MARCHF1: variants seen among roughly 807,000 people sequenced by gnomAD.
MARCHF1 encodes membrane associated ring-CH-type finger 1.
In MARCHF1, 40 loss-of-function variants were observed where a neutral mutation model predicts 54.2. The observed-to-expected ratio is 0.74, with a 90% CI of 0.57 to 0.96. The LOEUF (loss-of-function observed/expected upper bound fraction) is 0.96. Ranked by LOEUF, MARCHF1 falls within the 40% of genes least tolerant of loss-of-function variation. The probability of loss-of-function intolerance (pLI) is 0.00; values close to 1 mark genes in which losing one functional copy is unlikely to be tolerated. For missense variants in MARCHF1, 586 were observed against 656.5 expected, an observed-to-expected ratio of 0.89 and a Z score of 1.17; for synonymous variants, 236 against 236.3, an observed-to-expected ratio of 1.00 and a Z score of 0.01.
At chr4:163,927,378 T>C (rs1751559646) in intron 3 of MARCHF1, among the ~76,000 whole-genome samples, 1 of 151,752 alleles carries the variant, frequency 6.6e-6, no homozygotes, top group Non-Finnish European at 1.5e-5. Flanking sequence ...GTTACATCCA[T>C]TGAAACTAAA....
intron 1 of MARCHF1, among the ~76,000 whole-genome samples, chr4:164,340,480 A>G (rs1729890137): frequency 7.0e-6 from 1 of 142,014 alleles, no homozygotes; most frequent in African/African-American, 2.5e-5. Context: ...CCCAGGATGG[A>G]ATGCAGCAGT....
At chr4:163,754,475 G>T (rs1364653956) in intron 4 of MARCHF1, among the ~76,000 whole-genome samples, 1 of 152,176 alleles carries the variant, frequency 6.6e-6, no homozygotes, top group Non-Finnish European at 1.5e-5. Context: ...GGATTCTTCA[G>T]ATGGGATCAT....
At chr4:164,030,501 A>G (rs62348138) in intron 2 of MARCHF1, among the ~76,000 whole-genome samples, 69,768 of 152,106 alleles carry the variant, frequency 0.46, 17,591 homozygotes, top group Non-Finnish European at 0.56. Context: ...GTTCATATGA[A>G]CACTTTCTGT....
At chr4:163,751,472 A>T (rs1329427313) in intron 4 of MARCHF1, among the ~76,000 whole-genome samples, 2 of 152,274 alleles carry the variant, frequency 1.3e-5, no homozygotes, top group African/African-American at 4.8e-5. Flanking sequence ...ATGCAAGTTT[A>T]TATAGAAAAA....
chr4:164,089,674 A>AGATCCTCAAGATCCTTG (rs70948696), intron 2 of MARCHF1, among the ~76,000 whole-genome samples: 20,650 of 151,512 alleles, frequency 0.14, 2,264 homozygotes, highest in African/African-American at 0.31. Flanking sequence ...ACAGTGAATG[A>AGATCCTCAAGATCCTTG]GATCCTCAAG....
chr4:164,322,587 A>G (rs1233519325), intron 1 of MARCHF1, among the ~76,000 whole-genome samples: 1 of 151,998 alleles, frequency 6.6e-6, no homozygotes, highest in Non-Finnish European at 1.5e-5. Flanking sequence ...ATTGTTTGTA[A>G]CTCAAAGGAT....
chr4:163,559,386 G>A (rs1739395837), intron 8 of MARCHF1, among the ~76,000 whole-genome samples: 1 of 152,152 alleles, frequency 6.6e-6, no homozygotes, highest in Non-Finnish European at 1.5e-5. Flanking sequence ...AATATAGGGA[G>A]TGGTTGGCGA....
chr4:163,822,733 A>G lies in MARCHF1; in HGVS notation c.111+31288T>C, dbSNP rs184811833. ...TTTATCTTTATGCTAGAAACATTCA[A>G]ACTCTTTTCTTTTAGCTGTTTTGAA... On this transcript the variant is annotated intron_variant, in intron 4 of 9. Transcript: ENST00000514618. Among the ~76,000 whole-genome samples the G allele has an allele frequency of 9.5e-3, 1,447 of 151,974 alleles. 24 individuals carry two copies. Among genetic ancestry groups the G allele is most frequent in the South Asian group, 0.034 (163 of 4,824 alleles).
chr4:163,979,363 A>G (rs1292692609), intron 3 of MARCHF1, among the ~76,000 whole-genome samples: 1 of 149,230 alleles, frequency 6.7e-6, no homozygotes, highest in African/African-American at 2.5e-5. Flanking sequence ...TCATTTTTTT[A>G]TGGCTGCATA....
intron 2 of MARCHF1, among the ~76,000 whole-genome samples, chr4:164,044,313 G>A (rs1424487877): frequency 6.6e-6 from 1 of 152,132 alleles, no homozygotes; most frequent in East Asian, 1.9e-4. Context: ...TTAACAGGAA[G>A]CATAATTAGG....
chr4:163,881,245 C>T (rs537744140), intron 3 of MARCHF1, among the ~76,000 whole-genome samples: 2 of 152,054 alleles, frequency 1.3e-5, no homozygotes, highest in Non-Finnish European at 2.9e-5. Flanking sequence ...GAGGCCGAGG[C>T]GGGCGGATTA....
At chr4:163,827,364 C>T (rs554242439) in intron 4 of MARCHF1, among the ~76,000 whole-genome samples, 22 of 152,202 alleles carry the variant, frequency 1.4e-4, no homozygotes, top group Admixed American at 1.0e-3. Context: ...CAGCACATGA[C>T]ACTTCCGTAG....
intron 1 of MARCHF1, among the ~76,000 whole-genome samples, chr4:164,221,235 T>C (rs1366660067): frequency 1.3e-5 from 2 of 152,094 alleles, no homozygotes. Flanking sequence ...TGTGTACTAT[T>C]GTTTCAAATG....
At chr4:163,711,896 C>T (rs1212614153) in intron 4 of MARCHF1, among the ~76,000 whole-genome samples, 1 of 152,084 alleles carries the variant, frequency 6.6e-6, no homozygotes, top group Non-Finnish European at 1.5e-5. Context: ...GGATAAAAGT[C>T]ATCTTTAGTA....
intron 1 of MARCHF1, among the ~76,000 whole-genome samples, chr4:164,255,390 TAAAA>T (rs3060483): frequency 7.6e-6 from 1 of 132,164 alleles, no homozygotes; most frequent in Non-Finnish European, 1.6e-5. Context: ...GCAAGAAAGA[TAAAA>T]AAAAAAAAAA....
chr4:163,532,396 T>A (rs1471603357), intron 9 of MARCHF1, among the ~76,000 whole-genome samples: 1 of 151,724 alleles, frequency 6.6e-6, no homozygotes, highest in East Asian at 1.9e-4. Flanking sequence ...AATAAATGAG[T>A]CTGTAAACAG....
intron 4 of MARCHF1, among the ~76,000 whole-genome samples, chr4:163,784,862 A>T (rs1747571802): frequency 6.6e-6 from 1 of 151,920 alleles, no homozygotes; most frequent in Non-Finnish European, 1.5e-5. Context: ...GATTCCCACA[A>T]AAATATATTC....
chr4:164,065,142 T>C (rs574467001), intron 2 of MARCHF1, among the ~76,000 whole-genome samples: 98 of 152,324 alleles, frequency 6.4e-4, no homozygotes, highest in African/African-American at 2.2e-3. Context: ...CTGGTTTTGG[T>C]ATCAGGATGA....
chr4:163,896,841 C>T (rs949981549), intron 3 of MARCHF1, among the ~76,000 whole-genome samples: 2 of 152,126 alleles, frequency 1.3e-5, no homozygotes, highest in Non-Finnish European at 2.9e-5. Flanking sequence ...CCATGCTCCT[C>T]AATGTTATTT....
Sources: allele counts gnomAD v4.1 joint callset (sites outside exome capture counted in the v4.1 genomes callset), GRCh38; gene constraint gnomAD v4.1.1; transcripts MANE v1.5; gene names NCBI Gene and HGNC (gene_info 2026-07-23, HGNC 2026-07-21).